The following GSAP variants were observed in gnomAD, a reference collection of about 807,000 sequenced individuals.
GSAP encodes the protein gamma-secretase activating protein.
In GSAP, 118 loss-of-function variants were observed where a neutral mutation model predicts 131.7. The observed-to-expected ratio is 0.90, with a 90% confidence interval of 0.77 to 1.04. The LOEUF (loss-of-function observed/expected upper bound fraction) is 1.04. Ranked by LOEUF, GSAP falls within the 50% of genes least tolerant of loss-of-function variation. The pLI is 0.00. For synonymous variants in GSAP, 381 were observed against 363.4 expected (o/e 1.05, Z -0.55); for missense variants, 1,019 against 1,013.2 (o/e 1.01, Z -0.08).
chr7:77,330,298 G>A lies in GSAP; in HGVS notation c.1615C>T (p.His539Tyr), dbSNP rs754264614. The A allele has an allele frequency of 2.5e-6, 4 of 1,613,948 alleles. No individual in the cohort carries two copies. In the South Asian group the frequency reaches 4.4e-5, roughly 18 times the overall value. Reference protein sequence around the residue: ...NLEYVKYAKPHFHYNNSVVRR... With the variant: ...NLEYVKYAKPYFHYNNSVVRR... The stretch of plus-strand genomic sequence containing the variant: ...ACCACACTGTTGTTATAGTGGAAGT[G>A]TGGCTTGGCGTACTTAACATATTCT... The change falls in exon 20 of 31, where the codon CAC becomes TAC. Residue 539 changes from histidine to tyrosine, a missense_variant. His to Tyr is a moderately conservative substitution (Grantham distance 83, BLOSUM62 2). Transcript: ENST00000257626.
intron 5 of GSAP, among the ~76,000 whole-genome samples, chr7:77,393,674 C>CTTTTT (rs773138759): frequency 7.5e-6 from 1 of 133,458 alleles, no homozygotes; most frequent in African/African-American, 2.8e-5. Flanking sequence ...TATATACTTT[C>CTTTTT]TTTTTTTTTT....
At chr7:77,372,234 A>G (rs1467595228) in intron 12 of GSAP, among the ~76,000 whole-genome samples, 2 of 152,250 alleles carry the variant, frequency 1.3e-5, no homozygotes, top group Non-Finnish European at 2.9e-5. Context: ...TGGACTTTTC[A>G]ATATGTCAAT....
rs746740885 is a variant in GSAP, at chr7:77,377,267, C to T, written c.681+19G>A. On this transcript the variant is annotated intron_variant, in intron 9 of 30. Coordinates refer to ENST00000257626, the MANE Select transcript of GSAP (RefSeq NM_017439.4). Reference sequence around the variant, plus strand: ...AAAAAAAAAAAAAAAAAGGAGTGCCCGTGAACTAGTTTTTTTACCTTCAGG... The same window carrying T: ...AAAAAAAAAAAAAAAAAGGAGTGCCTGTGAACTAGTTTTTTTACCTTCAGG... 15 of 1,170,892 alleles carry T rather than the reference C, an allele frequency of 1.3e-5. No homozygotes were observed. Among genetic ancestry groups the T allele is most frequent in the Admixed American group, 3.0e-5 (1 of 33,864 alleles). 72.5% of individuals were successfully genotyped at this position (1,170,892 alleles called of 1,614,324 possible). A position where few individuals can be genotyped will look rare whatever the true frequency, so the allele number is the denominator to read the frequency against.
intron 3 of GSAP, among the ~76,000 whole-genome samples, chr7:77,403,236 G>C (rs1202893367): frequency 6.6e-6 from 1 of 152,196 alleles, no homozygotes; most frequent in East Asian, 1.9e-4. Context: ...TGTATTGTGA[G>C]TTTATGTTGA....
Position 77,314,495 on chromosome 7 carries a change from A to G in GSAP, c.2090-6T>C, listed in dbSNP as rs2150583732. ...GGTGTGCAGAGTATGAAAACCTAGGATGAGAGATCTGGAGGGTAAACACAG... is the reference window on the plus strand; with the variant it reads ...GGTGTGCAGAGTATGAAAACCTAGGGTGAGAGATCTGGAGGGTAAACACAG... On this transcript the variant is annotated splice_polypyrimidine_tract_variant and splice_region_variant and intron_variant, in intron 26 of 30. Coordinates refer to ENST00000257626, the MANE Select transcript of GSAP (RefSeq NM_017439.4). 1.2e-6 allele frequency: 2 copies of G among 1,613,426 alleles called. No individual in the cohort carries two copies. Among genetic ancestry groups the G allele is most frequent in the East Asian group, 4.5e-5 (2 of 44,864 alleles).
chr7:77,348,598 C>T (rs1183091450), intron 19 of GSAP, among the ~76,000 whole-genome samples: 1 of 152,238 alleles, frequency 6.6e-6, no homozygotes, highest in Non-Finnish European at 1.5e-5. Flanking sequence ...ATTTCCCAGT[C>T]TACCTCAAGC....
intron 19 of GSAP, among the ~76,000 whole-genome samples, chr7:77,349,031 G>A (rs917858345): frequency 2.0e-5 from 3 of 152,210 alleles, no homozygotes; most frequent in African/African-American, 7.2e-5. Flanking sequence ...CCTCTCTAAA[G>A]ATCATCTACA....
At chr7:77,367,135 G>A (rs1010112178) in intron 12 of GSAP, among the ~76,000 whole-genome samples, 2 of 152,192 alleles carry the variant, frequency 1.3e-5, no homozygotes, top group African/African-American at 4.8e-5. Flanking sequence ...CTGAGACTAT[G>A]GGGTTTTCTA....
At position 77,311,169 on chromosome 7, in the gene GSAP, C is replaced by T. The variant is rs1794305076; in HGVS notation, c.*189G>A. ...TTCTCTACACTTGATTGCTCACTGG[C>T]TATTCAAAATTGGAATGTGATACAG... is the stretch of plus-strand genomic sequence containing the variant. On this transcript the variant is annotated 3_prime_UTR_variant, in exon 31 of 31. Coordinates refer to ENST00000257626, the MANE Select transcript of GSAP (RefSeq NM_017439.4). 1.3e-5 allele frequency: 7 copies of T among 544,188 alleles called. No homozygotes were observed. The Admixed American group carries it at 2.2e-4, about 17-fold the overall frequency. 33.7% of individuals were successfully genotyped at this position (544,188 alleles called of 1,614,324 possible).
At chr7:77,337,361 G>A (rs1472442521) in intron 19 of GSAP, among the ~76,000 whole-genome samples, 1 of 151,918 alleles carries the variant, frequency 6.6e-6, no homozygotes, top group African/African-American at 2.4e-5. Flanking sequence ...TCTCTGTAGA[G>A]ACAAGGTTTC....
chr7:77,381,264 A>AG, intron 8 of GSAP, 41 bp downstream of exon 8: 1 of 1,134,334 alleles, frequency 8.8e-7, no homozygotes, highest in Non-Finnish European at 1.2e-6. Context: ...CTTTGTGGGG[A>AG]AAAAAAAACC....
At chr7:77,389,626 T>C (rs1799146054) in intron 5 of GSAP, among the ~76,000 whole-genome samples, 2 of 152,212 alleles carry the variant, frequency 1.3e-5, no homozygotes, top group Admixed American at 6.5e-5. Flanking sequence ...TCATTTTTTA[T>C]GGCTGCATAG....
intron 1 of GSAP, among the ~76,000 whole-genome samples, chr7:77,410,159 CAG>C (rs1803021384): frequency 6.6e-6 from 1 of 152,040 alleles, no homozygotes; most frequent in Non-Finnish European, 1.5e-5. Context: ...CCATGGTAGA[CAG>C]AGAGTTGAAA....
At chr7:77,396,560 T>C (rs1483021552) in intron 5 of GSAP, among the ~76,000 whole-genome samples, 1 of 152,160 alleles carries the variant, frequency 6.6e-6, no homozygotes, top group Non-Finnish European at 1.5e-5. Flanking sequence ...TACAAAACTA[T>C]AAAGTGGGCC....
chr7:77,404,831 G>A (rs1801969179), intron 2 of GSAP, among the ~76,000 whole-genome samples: 1 of 133,808 alleles, frequency 7.5e-6, no homozygotes, highest in Admixed American at 7.4e-5. Flanking sequence ...TGAGTTTGGG[G>A]AACTGTCTAG....
At chr7:77,362,291 AC>A (rs1794643246) in intron 13 of GSAP, among the ~76,000 whole-genome samples, 2 of 152,084 alleles carry the variant, frequency 1.3e-5, no homozygotes, top group Admixed American at 1.3e-4. Context: ...GTTCAAGACC[AC>A]CCTGGGCAAC....
At chr7:77,312,532 G>A (rs1054465397) in intron 28 of GSAP, among the ~76,000 whole-genome samples, 1 of 152,174 alleles carries the variant, frequency 6.6e-6, no homozygotes, top group Admixed American at 6.5e-5. Flanking sequence ...AGGGGGGTAC[G>A]CATGTTTATA....
intron 10 of GSAP, among the ~76,000 whole-genome samples, chr7:77,376,287 A>G (rs1297797195): frequency 6.6e-6 from 1 of 152,054 alleles, no homozygotes; most frequent in Non-Finnish European, 1.5e-5. Flanking sequence ...CCACTTACAC[A>G]TTTTTCTTTG....
intron 23 of GSAP, among the ~76,000 whole-genome samples, chr7:77,325,654 T>A (rs1562904520): frequency 6.6e-6 from 1 of 152,226 alleles, no homozygotes. Context: ...CACTGCAACC[T>A]CCACTTCCTG....
Sources: gnomAD v4.1 joint callset for allele counts (sites outside exome capture counted in the v4.1 genomes callset) on GRCh38, gnomAD v4.1.1 for gene constraint, MANE v1.5 for transcripts, NCBI Gene and HGNC (gene_info 2026-07-23, HGNC 2026-07-21) for gene names.